The following MKNK2 variants were observed in gnomAD, a reference collection of about 807,000 sequenced individuals.
MKNK2 encodes the protein MAP kinase-interacting serine/threonine-protein kinase 2.
MKNK2 carries 54 observed loss-of-function variants against 55.0 expected under a neutral mutation model. The observed-to-expected ratio is 0.98, with a 90% CI of 0.79 to 1.23. The LOEUF (loss-of-function observed/expected upper bound fraction) is 1.23. Ranked by LOEUF, MKNK2 falls within the 50% of genes most tolerant of loss-of-function variation. The probability of loss-of-function intolerance (pLI) is 0.00; values close to 1 mark genes in which losing one functional copy is unlikely to be tolerated. For missense variants in MKNK2, 685 were observed against 632.1 expected (o/e 1.08, Z -0.90); for synonymous variants, 323 against 256.0 (o/e 1.26, Z -2.50).
chr19:2,042,692 G>T, intron 8 of MKNK2, 30 bp from the exon 9 acceptor site: 9 of 1,556,096 alleles, frequency 5.8e-6, no homozygotes, highest in East Asian at 2.4e-5. Context: ...ACCACGACGG[G>T]GTGAGGGTCT....
chr19:2,040,931 G>T, intron 12 of MKNK2, 109 bp downstream of exon 12: 1 of 1,070,900 alleles, frequency 9.3e-7, no homozygotes, highest in Non-Finnish European at 1.4e-6. Flanking sequence ...TCAAGCCTCA[G>T]TGCATCTCAG....
chr19:2,037,646 T>TG lies in MKNK2; in HGVS notation c.*1966_*1967insC. The TG allele has an allele frequency of 1.1e-6, 1 of 936,800 alleles. No individual in the cohort carries two copies. The highest frequency in any genetic ancestry group is 1.4e-6 in the Non-Finnish European group (1 of 689,898). The allele number at this position is 936,800 out of a possible 1,614,324, so 58.0% of individuals were successfully genotyped here. The stretch of plus-strand genomic sequence containing the variant: ...AACTTTTGAGGTTTTTTTTTTTTTT[T>TG]TGTCTTTTAAAAACATCGTAACATT... On this transcript the variant is annotated 3_prime_UTR_variant, in exon 14 of 14. Transcript: ENST00000250896.
chr19:2,038,039 C>A lies in MKNK2; in HGVS notation c.*1574G>T. On this transcript the variant is annotated 3_prime_UTR_variant, in exon 14 of 14. Coordinates refer to ENST00000250896, the MANE Select transcript of MKNK2 (RefSeq NM_199054.3). ...GGTGGGCGGAATGCCCCACCCCCCC[C>A]AGGGGTCTTTGGAAGGGGCAGTCCA... 1 of 1,288,646 alleles carries A rather than the reference C, an allele frequency of 7.8e-7. No homozygotes were observed. The highest frequency in any genetic ancestry group is 9.9e-7 in the Non-Finnish European group (1 of 1,007,656). 79.8% of individuals were successfully genotyped at this position (1,288,646 alleles called of 1,614,324 possible).
Position 2,039,724 on chromosome 19 carries a change from A to G in MKNK2, c.1287T>C (p.Ala429=). 1 of 1,611,644 alleles carries G rather than the reference A, an allele frequency of 6.2e-7. No individual in the cohort carries two copies. ...GAGACAGCTGCAGGCAGCGTGAGGT[A>G]GCTCGGACCAGGACGGGCTGGCCCT... ...AGQGQPVLVR[A]TSRCLQLSPP... Residue 429 remains alanine, a synonymous_variant, in exon 14 of 14, where the codon GCT becomes GCC. Coordinates refer to ENST00000250896, the MANE Select transcript of MKNK2 (RefSeq NM_199054.3).
chr19:2,043,148 G>C lies in MKNK2; in HGVS notation c.469C>G (p.Leu157Val). 1 of 1,613,782 alleles carries C rather than the reference G, an allele frequency of 6.2e-7. No homozygotes were observed. The highest frequency in any genetic ancestry group is 8.5e-7 in the Non-Finnish European group (1 of 1,179,772). ...EFFEEEDRFY[L>V]VFEKMRGGSI... The stretch of plus-strand genomic sequence containing the variant: ...CCTCCCCGCATCTTCTCAAACACCA[G>C]GTAGAAGCGGTCCTCCTCCTCGAAG... The change falls in exon 7 of 14, where the codon CTG becomes GTG. Residue 157 changes from leucine to valine, a missense_variant. Transcript: ENST00000250896.
rs746234548 is a variant in MKNK2, at chr19:2,041,159, C to T, written c.991G>A (p.Asp331Asn). 3.1e-6 allele frequency: 5 copies of T among 1,613,826 alleles called. No individual in the cohort carries two copies. Among genetic ancestry groups the T allele is most frequent in the Admixed American group, 1.7e-5 (1 of 59,978 alleles). The change falls in exon 12 of 14, where the codon GAC becomes AAC. Residue 331 changes from aspartate (D) to asparagine (N), a missense_variant. Coordinates refer to ENST00000250896, the MANE Select transcript of MKNK2 (RefSeq NM_199054.3). ...SIQEGKYEFPDKDWAHISCAA... is the reference protein window; with the variant it reads ...SIQEGKYEFPNKDWAHISCAA... ...CAGGAGATGTGGGCCCAGTCCTTGT[C>T]GGGGAACTCGTACTTGCCCTCCTGG...
At chr19:2,040,387 G>A in intron 12 of MKNK2, 1 of 544,892 alleles carries the variant, frequency 1.8e-6, no homozygotes, top group Non-Finnish European at 3.2e-6. Context: ...GGAACCCGAG[G>A]CTGGGCCAGG....
At chr19:2,045,368 G>T (rs2016974958) in intron 5 of MKNK2, among the ~76,000 whole-genome samples, 1 of 152,208 alleles carries the variant, frequency 6.6e-6, no homozygotes, top group South Asian at 2.1e-4. Flanking sequence ...GTGTGGAAGT[G>T]CTTCCGGAGG....
At position 2,045,108 on chromosome 19, in the gene MKNK2, G is replaced by A. The variant is rs539891114; in HGVS notation, c.339+1078C>T. Reference sequence around the variant, plus strand: ...CACCTGGCCAGACCAACTCCCGGACGTCAGTGGCCAACAACACCTCCAGCA... The same window carrying A: ...CACCTGGCCAGACCAACTCCCGGACATCAGTGGCCAACAACACCTCCAGCA... On this transcript the variant is annotated intron_variant, in intron 5 of 13. Transcript: ENST00000250896. 9.2e-5 allele frequency among the ~76,000 whole-genome samples: 14 copies of A among 152,252 alleles called. No homozygotes were observed. The South Asian group carries it at 2.5e-3, about 27-fold the overall frequency.
chr19:2,046,378 C>T lies in MKNK2; in HGVS notation c.230G>A (p.Gly77Asp). The change falls in exon 4 of 14, where the codon GGC becomes GAC. Residue 77 changes from glycine (G) to aspartate (D), a missense_variant. By Grantham distance (94) the Gly-to-Asp change is moderately conservative. Transcript: ENST00000250896. ...KRGRATDSFSGRFEDVYQLQE... is the reference protein window; with the variant it reads ...KRGRATDSFSDRFEDVYQLQE... ...CCATCCCCGCTCACCTTCAAACCTG[C>T]CCGAGAAGCTGTCGGTGGCCCGGCC... The T allele has an allele frequency of 6.2e-7, 1 of 1,607,962 alleles. No homozygotes were observed. Among genetic ancestry groups the T allele is most frequent in the Non-Finnish European group, 8.5e-7 (1 of 1,179,772 alleles).
At position 2,038,345 on chromosome 19, in the gene MKNK2, G is replaced by A; in HGVS notation, c.*1268C>T. 1 of 986,608 alleles carries A rather than the reference G, an allele frequency of 1.0e-6. No homozygotes were observed. Among genetic ancestry groups the A allele is most frequent in the Non-Finnish European group, 1.2e-6 (1 of 830,466 alleles). The allele number at this position is 986,608 out of a possible 1,614,324, so 61.1% of individuals were successfully genotyped here. A position where few individuals can be genotyped will look rare whatever the true frequency, so the allele number is the denominator to read the frequency against. On this transcript the variant is annotated 3_prime_UTR_variant, in exon 14 of 14. Coordinates refer to ENST00000250896, the MANE Select transcript of MKNK2 (RefSeq NM_199054.3). ...GCTGCCCCAGCTGTGGAGCTCGGGG[G>A]CTGCGCCGGGAAGGGCGGGCGGTGA...
rs1000392159 is a variant in MKNK2, at chr19:2,039,330, C to T, written c.*283G>A. 76 of 1,309,930 alleles carry T rather than the reference C, an allele frequency of 5.8e-5. No individual in the cohort carries two copies. Among genetic ancestry groups the T allele is most frequent in the Admixed American group, 6.8e-5 (2 of 29,608 alleles). 81.1% of individuals were successfully genotyped at this position (1,309,930 alleles called of 1,614,324 possible). ...AGTAGAGGTGAGCAGGGCGGGGGAC[C>T]GGGGAGGGGACAAGCCCACCCACCT... is the stretch of plus-strand genomic sequence containing the variant. On this transcript the variant is annotated 3_prime_UTR_variant, in exon 14 of 14. Coordinates refer to ENST00000250896, the MANE Select transcript of MKNK2 (RefSeq NM_199054.3).
At position 2,046,834 on chromosome 19, in the gene MKNK2, A is replaced by G. The variant is rs2145693066; in HGVS notation, c.52-143T>C. 4.7e-6 allele frequency: 3 copies of G among 633,530 alleles called. No individual in the cohort carries two copies. The East Asian group carries it at 9.2e-5, about 19-fold the overall frequency. 39.2% of individuals were successfully genotyped at this position (633,530 alleles called of 1,614,324 possible). On this transcript the variant is annotated intron_variant, in intron 2 of 13. Coordinates refer to ENST00000250896, the MANE Select transcript of MKNK2 (RefSeq NM_199054.3). Reference sequence around the variant, plus strand: ...GGAAAAATCAACTCCGTCCCCGCTCACACACCAGGATCAACTCCCACCAGG... The same window carrying G: ...GGAAAAATCAACTCCGTCCCCGCTCGCACACCAGGATCAACTCCCACCAGG...
chr19:2,041,269 G>C, intron 11 of MKNK2, 65 bp from the exon 12 acceptor site: 1 of 1,540,696 alleles, frequency 6.5e-7, no homozygotes, highest in Non-Finnish European at 8.8e-7. Flanking sequence ...GCACTGACAC[G>C]TGGCTCCAAC....
At position 2,038,530 on chromosome 19, in the gene MKNK2, A is replaced by C. The variant is rs2145680980; in HGVS notation, c.*1083T>G. On this transcript the variant is annotated 3_prime_UTR_variant, in exon 14 of 14. Coordinates refer to ENST00000250896, the MANE Select transcript of MKNK2 (RefSeq NM_199054.3). Reference sequence around the variant, plus strand: ...TTCCTGGGTGCCCGAAGGGAGGCCGAGGCCGCAGCCGTTTTCCTGAAGGTG... The same window carrying C: ...TTCCTGGGTGCCCGAAGGGAGGCCGCGGCCGCAGCCGTTTTCCTGAAGGTG... The C allele has an allele frequency of 1.0e-6, 1 of 985,626 alleles. No homozygotes were observed. The highest frequency in any genetic ancestry group is 1.2e-6 in the Non-Finnish European group (1 of 830,024). The allele number at this position is 985,626 out of a possible 1,614,324, so 61.1% of individuals were successfully genotyped here.
rs2016919676 is a variant in MKNK2, at chr19:2,042,803, C to T, written c.561G>A (p.Gln187=). Residue 187 remains glutamine (Q), a synonymous_variant, in exon 8 of 14, where the codon CAG becomes CAA. Coordinates refer to ENST00000250896, the MANE Select transcript of MKNK2 (RefSeq NM_199054.3). ...FNELEASVVV[Q]DVASALDFLH... Reference sequence around the variant, plus strand: ...GAAAGTCCAAGGCGCTGGCCACGTCCTGCACCACCACGCTGGCCTCCAGCT... The same window carrying T: ...GAAAGTCCAAGGCGCTGGCCACGTCTTGCACCACCACGCTGGCCTCCAGCT... 6 of 1,582,012 alleles carry T rather than the reference C, an allele frequency of 3.8e-6. No individual in the cohort carries two copies. Among genetic ancestry groups the T allele is most frequent in the Non-Finnish European group, 5.2e-6 (6 of 1,163,262 alleles).
In MKNK2 at chr19:2,037,844, A is replaced by C. The variant is rs777227384; in HGVS notation, c.*1769T>G. Reference sequence around the variant, plus strand: ...GACTGTCCCACCTTCAGAAAAAAAAAAAAAAACAAACAAACAAACGCTGCT... The same window carrying C: ...GACTGTCCCACCTTCAGAAAAAAAACAAAAAACAAACAAACAAACGCTGCT... On this transcript the variant is annotated 3_prime_UTR_variant, in exon 14 of 14. Coordinates refer to ENST00000250896, the MANE Select transcript of MKNK2 (RefSeq NM_199054.3). The C allele has an allele frequency of 5.7e-6, 9 of 1,577,788 alleles. No homozygotes were observed. In the African/African-American group the frequency reaches 1.1e-4, roughly 19 times the overall value.
At chr19:2,042,321 A>C in intron 10 of MKNK2, 106 bp downstream of exon 10, 2 of 1,045,894 alleles carry the variant, frequency 1.9e-6, no homozygotes, top group Non-Finnish European at 2.8e-6. Context: ...TGCTAGGCGG[A>C]AGCCCGAGCT....
rs547062039 is a variant in MKNK2, at chr19:2,044,927, C to T, written c.339+1259G>A. 9.9e-5 allele frequency among the ~76,000 whole-genome samples: 15 copies of T among 152,274 alleles called. No homozygotes were observed. In the East Asian group the frequency reaches 1.9e-3, roughly 20 times the overall value. ...GCTCTGCATCCAGCCAGCAGCCTCA[C>T]GGCACCAGGTGACCCCAGGGTGGCT... On this transcript the variant is annotated intron_variant, in intron 5 of 13. Coordinates refer to ENST00000250896, the MANE Select transcript of MKNK2 (RefSeq NM_199054.3).
Sources: allele counts gnomAD v4.1 joint callset (sites outside exome capture counted in the v4.1 genomes callset), GRCh38; gene constraint gnomAD v4.1.1; transcripts MANE v1.5; gene names NCBI Gene and HGNC (gene_info 2026-07-23, HGNC 2026-07-21).